Variants in UNC5C observed in about 807,000 individuals in gnomAD.
The protein encoded by UNC5C is unc-5 netrin receptor C.
In UNC5C, 47 loss-of-function variants were observed where a neutral mutation model predicts 99.8. The observed-to-expected ratio is 0.47, with a 90% CI of 0.37 to 0.60. The LOEUF is 0.60. Ranked by LOEUF, UNC5C falls within the 20% of genes least tolerant of loss-of-function variation. UNC5C has a pLI of 0.00. For missense variants in UNC5C, 1,062 were observed against 1,165.9 expected (o/e 0.91, Z 1.30); for synonymous variants, 487 against 452.2 (o/e 1.08, Z -0.98).
intron 1 of UNC5C, among the ~76,000 whole-genome samples, chr4:95,364,927 C>A (rs1308269678): frequency 6.6e-6 from 1 of 151,754 alleles, no homozygotes; most frequent in Non-Finnish European, 1.5e-5. Flanking sequence ...AGAAAGGACA[C>A]CATAAGCAAA....
rs570260612 is a variant in UNC5C, at chr4:95,471,292, T to C, written c.124+77442A>G. Among the ~76,000 whole-genome samples the C allele has an allele frequency of 5.3e-5, 8 of 152,264 alleles. No homozygotes were observed. In the South Asian group the frequency reaches 1.7e-3, roughly 32 times the overall value. On this transcript the variant is annotated intron_variant, in intron 1 of 15. Coordinates refer to ENST00000453304, the MANE Select transcript of UNC5C (RefSeq NM_003728.4). ...ATAACAATGTGTGGATAAGTTTTCATGGATTATATACTTCATGTAAGTGTA... is the reference window on the plus strand; with the variant it reads ...ATAACAATGTGTGGATAAGTTTTCACGGATTATATACTTCATGTAAGTGTA...
intron 1 of UNC5C, among the ~76,000 whole-genome samples, chr4:95,449,198 A>G (rs941267988): frequency 6.6e-6 from 1 of 152,228 alleles, no homozygotes; most frequent in African/African-American, 2.4e-5. Flanking sequence ...GGCCCTTCTC[A>G]AAACAGCAAA....
chr4:95,273,468 G>A (rs1285149737), intron 4 of UNC5C, among the ~76,000 whole-genome samples: 3 of 152,124 alleles, frequency 2.0e-5, no homozygotes, highest in East Asian at 1.9e-4. Context: ...AAAATAAAAT[G>A]AGCAAAGAGG....
At chr4:95,240,957 G>C (rs1739308749) in intron 7 of UNC5C, among the ~76,000 whole-genome samples, 1 of 151,492 alleles carries the variant, frequency 6.6e-6, no homozygotes, top group Non-Finnish European at 1.5e-5. Context: ...GAAGTAGTAG[G>C]CATTAAATCA....
chr4:95,170,110 G>A, intron 15 of UNC5C, 44 bp downstream of exon 15: 1 of 1,597,152 alleles, frequency 6.3e-7, no homozygotes, highest in Non-Finnish European at 8.6e-7. Context: ...GTCCTGGAGG[G>A]CACTAACAGA....
intron 4 of UNC5C, among the ~76,000 whole-genome samples, chr4:95,275,392 G>A (rs774481164): frequency 1.3e-5 from 2 of 152,148 alleles, no homozygotes; most frequent in African/African-American, 2.4e-5. Context: ...CATGTTCTAA[G>A]TGATTTGCAT....
intron 1 of UNC5C, among the ~76,000 whole-genome samples, chr4:95,487,704 C>T (rs770174301): frequency 1.1e-4 from 17 of 151,582 alleles, no homozygotes; most frequent in Non-Finnish European, 1.8e-4. Flanking sequence ...TAAATAGAAT[C>T]TAAATTTGGG....
At chr4:95,347,331 C>T (rs186808039) in intron 1 of UNC5C, among the ~76,000 whole-genome samples, 4 of 152,116 alleles carry the variant, frequency 2.6e-5, no homozygotes, top group African/African-American at 7.2e-5. Flanking sequence ...AATGTCCATA[C>T]TACCCAAAGC....
chr4:95,267,066 T>C (rs920539301), intron 4 of UNC5C, among the ~76,000 whole-genome samples: 1 of 152,218 alleles, frequency 6.6e-6, no homozygotes, highest in African/African-American at 2.4e-5. Context: ...TTCCAAACAA[T>C]ACTTATTTCC....
intron 15 of UNC5C, 74 bp downstream of exon 15, chr4:95,170,080 C>A (rs1008796162): frequency 6.6e-7 from 1 of 1,526,232 alleles, no homozygotes. Flanking sequence ...TGAAGCTAAC[C>A]CTACGTCTAA....
intron 1 of UNC5C, among the ~76,000 whole-genome samples, chr4:95,426,552 G>T (rs1042210679): frequency 1.3e-5 from 2 of 152,230 alleles, no homozygotes; most frequent in Non-Finnish European, 2.9e-5. Flanking sequence ...GAGGCTGAAA[G>T]CTAGGCCTCT....
chr4:95,222,209 C>G, intron 7 of UNC5C: 3 of 1,492,514 alleles, frequency 2.0e-6, no homozygotes, highest in Non-Finnish European at 1.8e-6. Flanking sequence ...ATCAAACTTA[C>G]AAGAAAATCC....
At chr4:95,483,056 G>A (rs1233524065) in intron 1 of UNC5C, among the ~76,000 whole-genome samples, 1 of 120,008 alleles carries the variant, frequency 8.3e-6, no homozygotes, top group East Asian at 2.2e-4. Flanking sequence ...AACACATGCA[G>A]TAATAAAAAA....
chr4:95,448,219 TGTGTGTGTGAGA>T (rs1747167535), intron 1 of UNC5C, among the ~76,000 whole-genome samples: 2 of 98,752 alleles, frequency 2.0e-5, no homozygotes, highest in African/African-American at 7.4e-5. Flanking sequence ...TGTGTGTGTG[TGTGTGTGTGAGA>T]GAGAGAGAGA....
chr4:95,479,106 T>C (rs1721053793), intron 1 of UNC5C, among the ~76,000 whole-genome samples: 1 of 151,984 alleles, frequency 6.6e-6, no homozygotes, highest in African/African-American at 2.4e-5. Context: ...CAGCCTCAGG[T>C]ACTCCTTTAT....
intron 4 of UNC5C, among the ~76,000 whole-genome samples, chr4:95,269,512 T>G (rs1217116940): frequency 6.6e-6 from 1 of 151,712 alleles, no homozygotes; most frequent in African/African-American, 2.4e-5. Context: ...GGTCTTGAAC[T>G]CCTAGGCTCG....
intron 3 of UNC5C, among the ~76,000 whole-genome samples, chr4:95,282,387 G>A (rs1234683726): frequency 3.3e-5 from 5 of 152,190 alleles, no homozygotes; most frequent in Admixed American, 6.5e-5. Context: ...GAGTGGCCAG[G>A]AAGTGGGGAA....
intron 3 of UNC5C, 84 bp from the exon 4 acceptor site, chr4:95,278,446 A>T: frequency 1.9e-6 from 2 of 1,075,216 alleles, no homozygotes; most frequent in Non-Finnish European, 1.4e-6. Flanking sequence ...TTTCTGGCTT[A>T]GTATTTTATC....
rs372125542 is a variant in UNC5C at position 95,425,915 on chromosome 4, G to A, written c.125-90284C>T. 1.7e-4 allele frequency among the ~76,000 whole-genome samples: 26 copies of A among 152,114 alleles called. No individual in the cohort carries two copies. In the South Asian group the frequency reaches 3.9e-3, roughly 23 times the overall value. On this transcript the variant is annotated intron_variant, in intron 1 of 15. Coordinates refer to ENST00000453304, the MANE Select transcript of UNC5C (RefSeq NM_003728.4). Reference sequence around the variant, plus strand: ...TAAATTTTTATTATAACTTCAAAGAGTTTTTTAATAATTCAGATATTCCTA... The same window carrying A: ...TAAATTTTTATTATAACTTCAAAGAATTTTTTAATAATTCAGATATTCCTA...
Sources: gnomAD v4.1 joint callset for allele counts (sites outside exome capture counted in the v4.1 genomes callset) on GRCh38, gnomAD v4.1.1 for gene constraint, MANE v1.5 for transcripts, NCBI Gene and HGNC (gene_info 2026-07-23, HGNC 2026-07-21) for gene names.